The following CACNA2D2 variants were observed in gnomAD, a reference collection of about 807,000 sequenced individuals.
CACNA2D2 encodes calcium voltage-gated channel auxiliary subunit alpha2delta 2, also known as voltage-dependent calcium channel subunit alpha-2/delta-2.
In CACNA2D2, 48 loss-of-function variants were observed where a neutral mutation model predicts 166.4. That is an observed-to-expected ratio of 0.29 (90% confidence interval 0.23 to 0.37). The LOEUF is 0.37. Among genes scored for constraint, CACNA2D2 ranks in the 10% least tolerant of loss-of-function variants. The probability of loss-of-function intolerance (pLI) is 1.00; values close to 1 mark genes in which losing one functional copy is unlikely to be tolerated. For synonymous variants in CACNA2D2, 561 were observed against 573.7 expected (o/e 0.98, Z 0.32); for missense variants, 1,122 against 1,433.0 (o/e 0.78, Z 3.50).
intron 3 of CACNA2D2, among the ~76,000 whole-genome samples, chr3:50,409,555 C>G (rs1464834244): frequency 6.6e-6 from 1 of 152,268 alleles, no homozygotes; most frequent in African/African-American, 2.4e-5. Context: ...TGAGCACTTG[C>G]TGTGGCCAGC....
intron 3 of CACNA2D2, among the ~76,000 whole-genome samples, chr3:50,425,484 A>G (rs1230978736): frequency 1.3e-5 from 2 of 152,170 alleles, no homozygotes; most frequent in East Asian, 1.9e-4. Flanking sequence ...ATCTCCTTGA[A>G]GTCTGGGCCC....
rs369187475 is a variant in CACNA2D2, at chr3:50,471,774, C to T, written c.288+4344G>A. 7.9e-5 allele frequency among the ~76,000 whole-genome samples: 12 copies of T among 152,282 alleles called. No individual in the cohort carries two copies. In the South Asian group the frequency reaches 1.0e-3, roughly 13 times the overall value. ...GACATGGCCAGACTTTGGTCAGTGC[C>T]GGGAGCCAGCTCCAGATGTAGTACT... On this transcript the variant is annotated intron_variant, in intron 2 of 37. Coordinates refer to ENST00000424201, the MANE Select transcript of CACNA2D2 (RefSeq NM_006030.4).
intron 22 of CACNA2D2, among the ~76,000 whole-genome samples, chr3:50,373,382 G>A (rs1347477921): frequency 6.7e-6 from 1 of 149,664 alleles, no homozygotes; most frequent in East Asian, 2.0e-4. Flanking sequence ...CTCGGGCGTG[G>A]TGGGCAGGCA....
intron 2 of CACNA2D2, among the ~76,000 whole-genome samples, chr3:50,467,415 G>A (rs1447329861): frequency 1.3e-5 from 2 of 152,190 alleles, no homozygotes; most frequent in Non-Finnish European, 2.9e-5. Flanking sequence ...GGTCGAATGG[G>A]ACAGAGTCAG....
chr3:50,413,663 A>G (rs1707133390), intron 3 of CACNA2D2, among the ~76,000 whole-genome samples: 1 of 152,166 alleles, frequency 6.6e-6, no homozygotes, highest in Non-Finnish European at 1.5e-5. Flanking sequence ...ACTGGCCAAC[A>G]TGGCGAAACC....
rs762916726 is a variant in CACNA2D2, at chr3:50,438,653, G to A, written c.289-4224C>T. ...GAGGAGTCCAACTACCAGCCCCAAC[G>A]TGCCTGGAACATAGAGACAGCCACC... is the stretch of plus-strand genomic sequence containing the variant. On this transcript the variant is annotated intron_variant, in intron 2 of 37. Coordinates refer to ENST00000424201, the MANE Select transcript of CACNA2D2 (RefSeq NM_006030.4). 2.6e-5 allele frequency among the ~76,000 whole-genome samples: 4 copies of A among 152,114 alleles called. No homozygotes were observed. The East Asian group carries it at 7.7e-4, about 29-fold the overall frequency.
intron 3 of CACNA2D2, among the ~76,000 whole-genome samples, chr3:50,425,393 T>C (rs1206222538): frequency 6.6e-6 from 1 of 152,180 alleles, no homozygotes; most frequent in Non-Finnish European, 1.5e-5. Flanking sequence ...GCTCAAATGC[T>C]ACCTCCTCCA....
At position 50,379,159 on chromosome 3, in the gene CACNA2D2, A is replaced by G. The variant is rs1705162223; in HGVS notation, c.1193T>C (p.Met398Thr). The change falls in exon 12 of 38, where the codon ATG (methionine) becomes ACG (threonine). Residue 398 changes from methionine (M) to threonine (T), a missense_variant. Transcript: ENST00000424201. This position sits in a 1 kb window ranked among gnomAD's most constrained non-coding sequence, Gnocchi z 6.5. ...TRANCNKMIMMFTDGGEDRVQ... is the reference protein window; with the variant it reads ...TRANCNKMIMTFTDGGEDRVQ... ...GCGGTCCTCACCACCATCCGTGAAC[A>G]TCATGATCATCTTGTTGCAGTTGGC... 1.9e-6 allele frequency: 3 copies of G among 1,613,876 alleles called. No individual in the cohort carries two copies. The highest frequency in any genetic ancestry group is 8.5e-7 in the Non-Finnish European group (1 of 1,180,014).
chr3:50,418,268 C>G (rs1707363667), intron 3 of CACNA2D2, among the ~76,000 whole-genome samples: 1 of 152,142 alleles, frequency 6.6e-6, no homozygotes, highest in African/African-American at 2.4e-5. Flanking sequence ...AAGTAACACC[C>G]CTGCCTTACT....
At chr3:50,479,046 C>T (rs913109232) in intron 1 of CACNA2D2, among the ~76,000 whole-genome samples, 1 of 152,182 alleles carries the variant, frequency 6.6e-6, no homozygotes, top group Non-Finnish European at 1.5e-5. Context: ...TCAGACAACA[C>T]ATTATTATAA....
At chr3:50,500,959 G>A (rs1002437516) in intron 1 of CACNA2D2, among the ~76,000 whole-genome samples, 1 of 152,078 alleles carries the variant, frequency 6.6e-6, no homozygotes, top group African/African-American at 2.4e-5. Context: ...GGGCCCCTGT[G>A]CACTGGCAGA....
At chr3:50,490,526 C>T (rs1698478302) in intron 1 of CACNA2D2, among the ~76,000 whole-genome samples, 1 of 152,106 alleles carries the variant, frequency 6.6e-6, no homozygotes, top group Non-Finnish European at 1.5e-5. Flanking sequence ...TGGTGGCAGC[C>T]CCTGGGCTGG....
In CACNA2D2 at chr3:50,363,261, C is replaced by T. The variant is rs2109388381; in HGVS notation, c.*1405G>A. On this transcript the variant is annotated 3_prime_UTR_variant, in exon 38 of 38. Transcript: ENST00000424201. ...TGGCACCAGCAGTGGGCATGGACCA[C>T]ACACACACACTGAGAAAGCGACAAG... 2.5e-6 allele frequency: 1 copy of T among 398,722 alleles called. No individual in the cohort carries two copies. The allele number at this position is 398,722 out of a possible 1,614,324, so 24.7% of individuals were successfully genotyped here. A position where few individuals can be genotyped will look rare whatever the true frequency, so the allele number is the denominator to read the frequency against.
chr3:50,404,760 G>A (rs182776672), intron 3 of CACNA2D2, among the ~76,000 whole-genome samples: 158 of 152,316 alleles, frequency 1.0e-3, no homozygotes, highest in Non-Finnish European at 2.0e-3. Flanking sequence ...CTGCTCTTAC[G>A]TGGGGTGCCA....
At chr3:50,484,280 C>T (rs1698181543) in intron 1 of CACNA2D2, among the ~76,000 whole-genome samples, 1 of 152,168 alleles carries the variant, frequency 6.6e-6, no homozygotes, top group African/African-American at 2.4e-5. Flanking sequence ...TGGCCGGGCA[C>T]CCATCAGGGT....
Position 50,364,618 on chromosome 3 carries a change from C to T in CACNA2D2, c.*48G>A, listed in dbSNP as rs892639229. 87 of 1,459,910 alleles carry T rather than the reference C, an allele frequency of 6.0e-5. No homozygotes were observed. The highest frequency in any genetic ancestry group is 7.3e-5 in the Non-Finnish European group (81 of 1,107,270). The allele number at this position is 1,459,910 out of a possible 1,614,324, so 90.4% of individuals were successfully genotyped here. A position where few individuals can be genotyped will look rare whatever the true frequency, so the allele number is the denominator to read the frequency against. Reference sequence around the variant, plus strand: ...GTGTGGGGCAGGAGGGTGGGAAAGGCGAAGAGGCCGGGTGAGGTGGGAGTG... The same window carrying T: ...GTGTGGGGCAGGAGGGTGGGAAAGGTGAAGAGGCCGGGTGAGGTGGGAGTG... On this transcript the variant is annotated 3_prime_UTR_variant, in exon 38 of 38. Transcript: ENST00000424201.
intron 1 of CACNA2D2, among the ~76,000 whole-genome samples, chr3:50,495,256 G>A (rs1309177762): frequency 6.6e-6 from 1 of 152,214 alleles, no homozygotes; most frequent in Non-Finnish European, 1.5e-5. Flanking sequence ...TAATGCCCAA[G>A]GAGACGGTTG....
chr3:50,432,925 C>G (rs780821164), intron 3 of CACNA2D2, among the ~76,000 whole-genome samples: 6 of 152,212 alleles, frequency 3.9e-5, no homozygotes, highest in Non-Finnish European at 7.3e-5. Context: ...GGTGGCCACC[C>G]TGACTTAACC....
At position 50,469,214 on chromosome 3, in the gene CACNA2D2, C is replaced by T. The variant is rs1169646978; in HGVS notation, c.288+6904G>A. On this transcript the variant is annotated intron_variant, in intron 2 of 37. Coordinates refer to ENST00000424201, the MANE Select transcript of CACNA2D2 (RefSeq NM_006030.4). The stretch of plus-strand genomic sequence containing the variant: ...TTGGAGAAACTGACTCACAGTCTTC[C>T]GGGGTATAGGGGCCCTTCCTTTTGT... 8.5e-5 allele frequency among the ~76,000 whole-genome samples: 13 copies of T among 152,160 alleles called. No homozygotes were observed. The South Asian group carries it at 1.7e-3, about 20-fold the overall frequency.
Sources: gnomAD v4.1 joint callset for allele counts (sites outside exome capture counted in the v4.1 genomes callset) on GRCh38, gnomAD v4.1.1 for gene constraint, Gnocchi (gnomAD v3.1) non-coding constraint, MANE v1.5 for transcripts, NCBI Gene and HGNC (gene_info 2026-07-23, HGNC 2026-07-21) for gene names.